COL23A1: variants seen among roughly 807,000 people sequenced by gnomAD.
The protein encoded by COL23A1 is collagen type XXIII alpha 1 chain, also known as collagen alpha-1(XXIII) chain.
In COL23A1, 97 loss-of-function variants were observed where a neutral mutation model predicts 99.3. The ratio of observed to expected loss-of-function variants is 0.98; its 90% confidence interval spans 0.83 to 1.16. The LOEUF (loss-of-function observed/expected upper bound fraction) is 1.16. COL23A1 is among the 50% of genes most tolerant of loss of function. The pLI is 0.00. For synonymous variants in COL23A1, 320 were observed against 308.2 expected, an observed-to-expected ratio of 1.04 and a Z score of -0.40; for missense variants, 762 against 757.4, an observed-to-expected ratio of 1.01 and a Z score of -0.07.
At chr5:178,504,327 C>T (rs539782667) in intron 2 of COL23A1, among the ~76,000 whole-genome samples, 3 of 152,300 alleles carry the variant, frequency 2.0e-5, no homozygotes, top group Admixed American at 6.5e-5. Flanking sequence ...AAAAAACCTG[C>T]CTTCCCTTGG....
intron 2 of COL23A1, among the ~76,000 whole-genome samples, chr5:178,487,028 A>G (rs1463504845): frequency 6.6e-6 from 1 of 152,072 alleles, no homozygotes; most frequent in African/African-American, 2.4e-5. Context: ...TCCAGAATCA[A>G]CCTACACAGA....
chr5:178,512,965 G>A (rs1759291420), intron 2 of COL23A1, among the ~76,000 whole-genome samples: 1 of 152,212 alleles, frequency 6.6e-6, no homozygotes, highest in Non-Finnish European at 1.5e-5. Context: ...ATCTAGAGGT[G>A]TGTGCCCACC....
chr5:178,507,714 C>T (rs1758956892), intron 2 of COL23A1, among the ~76,000 whole-genome samples: 2 of 152,198 alleles, frequency 1.3e-5, no homozygotes, highest in South Asian at 4.1e-4. Flanking sequence ...GCTGTCTCCC[C>T]ATAAGTAAAG....
At chr5:178,429,265 C>T (rs1766122729) in intron 2 of COL23A1, among the ~76,000 whole-genome samples, 2 of 152,136 alleles carry the variant, frequency 1.3e-5, no homozygotes, top group Admixed American at 1.3e-4. Context: ...GCCCGTCTAC[C>T]TCAAGCCCAG....
intron 2 of COL23A1, among the ~76,000 whole-genome samples, chr5:178,520,368 T>C (rs1249557180): frequency 6.6e-6 from 1 of 152,186 alleles, no homozygotes; most frequent in African/African-American, 2.4e-5. Flanking sequence ...CCTTCGGAAC[T>C]GCACCAACAC....
intron 1 of COL23A1, among the ~76,000 whole-genome samples, chr5:178,573,110 C>T (rs1763186944): frequency 6.6e-6 from 1 of 152,126 alleles, no homozygotes; most frequent in Non-Finnish European, 1.5e-5. Flanking sequence ...GGGATGCATT[C>T]CCTATCTAGA....
intron 1 of COL23A1, among the ~76,000 whole-genome samples, chr5:178,579,642 CG>C (rs1562108859): frequency 6.6e-6 from 1 of 152,064 alleles, no homozygotes; most frequent in Admixed American, 6.5e-5. Context: ...TTAGGAGAGA[CG>C]GGGTTTCACC....
chr5:178,325,907 T>G (rs1415754054), intron 2 of COL23A1, among the ~76,000 whole-genome samples: 1 of 152,214 alleles, frequency 6.6e-6, no homozygotes, highest in Non-Finnish European at 1.5e-5. Context: ...GCCTGCCCAG[T>G]CTGTCCACTG....
intron 2 of COL23A1, among the ~76,000 whole-genome samples, chr5:178,427,230 T>C (rs1765992537): frequency 6.6e-6 from 1 of 152,122 alleles, no homozygotes; most frequent in East Asian, 1.9e-4. Flanking sequence ...TACCACTACA[T>C]ACCTATGAGT....
chr5:178,265,091 C>T (rs889924041), intron 8 of COL23A1, among the ~76,000 whole-genome samples: 15 of 152,338 alleles, frequency 9.8e-5, no homozygotes, highest in Middle Eastern at 3.4e-3. Flanking sequence ...TGCCAAGGCA[C>T]ATGGTCCCTT....
intron 2 of COL23A1, among the ~76,000 whole-genome samples, chr5:178,331,498 T>G (rs1448936097): frequency 6.6e-6 from 1 of 152,172 alleles, no homozygotes; most frequent in Non-Finnish European, 1.5e-5. Context: ...ATGCCCTGCA[T>G]AGCAGGCACC....
chr5:178,350,189 C>A (rs578210605), intron 2 of COL23A1, among the ~76,000 whole-genome samples: 1 of 152,224 alleles, frequency 6.6e-6, no homozygotes, highest in African/African-American at 2.4e-5. Flanking sequence ...AGCACCCATG[C>A]CACCTCCTCC....
chr5:178,474,107 C>T (rs775669868), intron 2 of COL23A1, among the ~76,000 whole-genome samples: 256 of 152,308 alleles, frequency 1.7e-3, no homozygotes, highest in Non-Finnish European at 2.8e-3. Flanking sequence ...AGCAAGAGTT[C>T]TTAACCTGGG....
chr5:178,271,930 C>A (rs1003378675), intron 5 of COL23A1, among the ~76,000 whole-genome samples: 1 of 152,196 alleles, frequency 6.6e-6, no homozygotes, highest in Non-Finnish European at 1.5e-5. Context: ...CTCATAGGCC[C>A]CTGACCGGTG....
rs1462522119 is a variant in COL23A1, at chr5:178,434,416, G to T, written c.361+126266C>A. Among the ~76,000 whole-genome samples the T allele has an allele frequency of 6.6e-6, 1 of 152,262 alleles. No homozygotes were observed. The highest frequency in any genetic ancestry group is 1.5e-5 in the Non-Finnish European group (1 of 68,048). ...CACGGTGGCCTCGGGCAAAATGCCT[G>T]GACCAGGACTTGGACATTGGGCGGC... On this transcript the variant is annotated intron_variant, in intron 2 of 28. Transcript: ENST00000390654. This position sits in a 1 kb window ranked among gnomAD's most constrained non-coding sequence, Gnocchi z 4.3.
chr5:178,368,689 C>T (rs1054853330), intron 2 of COL23A1, among the ~76,000 whole-genome samples: 1 of 152,270 alleles, frequency 6.6e-6, no homozygotes, highest in Non-Finnish European at 1.5e-5. Flanking sequence ...AGCCGTCAGC[C>T]TCCAGAAGCC....
At chr5:178,553,282 C>T (rs143963365) in intron 2 of COL23A1, among the ~76,000 whole-genome samples, 15 of 152,106 alleles carry the variant, frequency 9.9e-5, no homozygotes, top group African/African-American at 3.6e-4. Context: ...ACTTTTACCA[C>T]TTCTGTTCCG....
Position 178,331,856 on chromosome 5 carries a change from C to T in COL23A1, c.362-24937G>A, listed in dbSNP as rs181990040. 2.4e-3 allele frequency among the ~76,000 whole-genome samples: 359 copies of T among 152,312 alleles called. 3 individuals carry two copies. Among genetic ancestry groups the T allele is most frequent in the Non-Finnish European group, 6.0e-4 (41 of 68,028 alleles). ...GACACAGCTGTCCTGACCGGCAGCCCGGGCAGTCAGCCGGCAGGGCCAGGC... is the reference window on the plus strand; with the variant it reads ...GACACAGCTGTCCTGACCGGCAGCCTGGGCAGTCAGCCGGCAGGGCCAGGC... On this transcript the variant is annotated intron_variant, in intron 2 of 28. Transcript: ENST00000390654.
At chr5:178,317,251 C>G (rs1037946550) in intron 2 of COL23A1, among the ~76,000 whole-genome samples, 1 of 152,186 alleles carries the variant, frequency 6.6e-6, no homozygotes, top group Non-Finnish European at 1.5e-5. Context: ...CTAAGCCCTT[C>G]AGGACAGACA....
Sources: allele counts gnomAD v4.1 joint callset (sites outside exome capture counted in the v4.1 genomes callset), GRCh38; gene constraint gnomAD v4.1.1; non-coding constraint Gnocchi (gnomAD v3.1); transcripts MANE v1.5; gene names NCBI Gene and HGNC (gene_info 2026-07-23, HGNC 2026-07-21).